Variants in NME7 observed in about 807,000 individuals in gnomAD.
NME7 encodes nucleoside diphosphate kinase 7.
A neutral mutation model predicts 49.1 loss-of-function variants in NME7; 41 were observed. That is an observed-to-expected ratio of 0.83 (90% confidence interval 0.65 to 1.08). The LOEUF (loss-of-function observed/expected upper bound fraction) is 1.08, where lower values mean the gene tolerates loss of function less well. NME7 is among the 50% of genes least tolerant of loss of function. The pLI is 0.00. For synonymous variants in NME7, 139 were observed against 150.6 expected (o/e 0.92, Z 0.56); for missense variants, 423 against 463.4 (o/e 0.91, Z 0.80).
chr1:169,319,916 A>G (rs962913780), intron 3 of NME7, among the ~76,000 whole-genome samples: 4 of 152,170 alleles, frequency 2.6e-5, no homozygotes, highest in African/African-American at 9.7e-5. Context: ...TGGATTTTTA[A>G]ATAGGATACT....
chr1:169,308,187 A>G (rs1651252257), intron 4 of NME7, among the ~76,000 whole-genome samples: 1 of 152,166 alleles, frequency 6.6e-6, no homozygotes, highest in South Asian at 2.1e-4. Flanking sequence ...CTAGGAGATC[A>G]TACATAAGGG....
At chr1:169,292,541 G>A (rs1029993047) in intron 6 of NME7, among the ~76,000 whole-genome samples, 3 of 152,146 alleles carry the variant, frequency 2.0e-5, no homozygotes, top group Admixed American at 6.6e-5. Flanking sequence ...GGGGTAGAAT[G>A]AGTAAAAGCA....
chr1:169,262,978 T>A (rs944707430), intron 7 of NME7, among the ~76,000 whole-genome samples: 1 of 132,772 alleles, frequency 7.5e-6, no homozygotes, highest in African/African-American at 2.6e-5. Flanking sequence ...ACAAAGGCAG[T>A]AATAACTGGG....
chr1:169,158,486 G>C (rs1659148048), intron 11 of NME7, among the ~76,000 whole-genome samples: 1 of 152,054 alleles, frequency 6.6e-6, no homozygotes, highest in African/African-American at 2.4e-5. Context: ...GGTTGACCAT[G>C]GGTAACTGAA....
At chr1:169,366,704 G>C (rs1299428468) in intron 1 of NME7, among the ~76,000 whole-genome samples, 1 of 152,182 alleles carries the variant, frequency 6.6e-6, no homozygotes, top group East Asian at 1.9e-4. Context: ...GGGGCATGAG[G>C]TTGAAGAAAT....
At chr1:169,241,147 C>T (rs1361297808) in intron 7 of NME7, among the ~76,000 whole-genome samples, 1 of 152,070 alleles carries the variant, frequency 6.6e-6, no homozygotes, top group Non-Finnish European at 1.5e-5. Flanking sequence ...CTTCACATTA[C>T]TTCACACAGA....
chr1:169,237,108 G>A (rs1376770994), intron 8 of NME7, among the ~76,000 whole-genome samples: 1 of 152,040 alleles, frequency 6.6e-6, no homozygotes, highest in Non-Finnish European at 1.5e-5. Flanking sequence ...CGTGGGCTCT[G>A]AAGGTGCAGC....
chr1:169,282,235 T>C (rs1156720355), intron 7 of NME7, among the ~76,000 whole-genome samples: 1 of 152,210 alleles, frequency 6.6e-6, no homozygotes, highest in Non-Finnish European at 1.5e-5. Context: ...TTTATTTGCG[T>C]AGAGGTGTTT....
intron 7 of NME7, among the ~76,000 whole-genome samples, chr1:169,244,632 T>C (rs1399356405): frequency 1.0e-5 from 1 of 98,314 alleles, no homozygotes; most frequent in Non-Finnish European, 2.0e-5. Context: ...TGAGACTCCA[T>C]CTCAAAAAAA....
intron 10 of NME7, among the ~76,000 whole-genome samples, chr1:169,179,378 A>G (rs1468180096): frequency 6.6e-6 from 1 of 152,212 alleles, no homozygotes; most frequent in Non-Finnish European, 1.5e-5. Context: ...AATTAGTTCA[A>G]CCATTGTGGA....
rs182819817 is a variant in NME7, at chr1:169,147,116, T to C, written c.1099-14299A>G. Among the ~76,000 whole-genome samples, 112 of 152,310 alleles carry C rather than the reference T, an allele frequency of 7.4e-4. No homozygotes were observed. In the East Asian group the frequency reaches 0.012, roughly 16 times the overall value. On this transcript the variant is annotated intron_variant, in intron 11 of 11. Transcript: ENST00000367811. ...TGCTGCTGACAATACAGCAGCTTGA[T>C]AGTTAAGAATTTTTTAAGGAATAAA...
At chr1:169,194,410 A>G (rs1474880099) in intron 10 of NME7, among the ~76,000 whole-genome samples, 1 of 152,166 alleles carries the variant, frequency 6.6e-6, no homozygotes, top group Non-Finnish European at 1.5e-5. Flanking sequence ...CCAAGCCAAA[A>G]CTCAGTTTAT....
rs548741987 is a variant in NME7 at position 169,275,721 on chromosome 1, T to C, written c.754+11582A>G. Reference sequence around the variant, plus strand: ...GCCCTGGCCAGAACTTCCAACACTATGTTGAATAGGAGTGGTGAGAGAGGG... The same window carrying C: ...GCCCTGGCCAGAACTTCCAACACTACGTTGAATAGGAGTGGTGAGAGAGGG... On this transcript the variant is annotated intron_variant, in intron 7 of 11. Coordinates refer to ENST00000367811, the MANE Select transcript of NME7 (RefSeq NM_013330.5). 2.0e-3 allele frequency among the ~76,000 whole-genome samples: 261 copies of C among 132,162 alleles called. 24 individuals are homozygous for C. The highest frequency in any genetic ancestry group is 6.5e-3 in the African/African-American group (256 of 39,208). The allele number at this position is 132,162 out of a possible 152,430, so 86.7% of individuals were successfully genotyped here.
At chr1:169,208,764 G>T (rs1660741098) in intron 10 of NME7, among the ~76,000 whole-genome samples, 1 of 152,060 alleles carries the variant, frequency 6.6e-6, no homozygotes, top group Non-Finnish European at 1.5e-5. Context: ...TAGTAGGAAG[G>T]CTTAAAGGCC....
At chr1:169,134,189 G>A (rs1658351601) in intron 11 of NME7, among the ~76,000 whole-genome samples, 2 of 152,218 alleles carry the variant, frequency 1.3e-5, no homozygotes, top group Non-Finnish European at 2.9e-5. Context: ...CTAACAGCTA[G>A]TGAGAGATCT....
intron 1 of NME7, among the ~76,000 whole-genome samples, chr1:169,330,942 C>A (rs1348493623): frequency 6.6e-6 from 1 of 152,010 alleles, no homozygotes; most frequent in African/African-American, 2.4e-5. Flanking sequence ...GGACTACTTC[C>A]AAACTCATTC....
In NME7 at chr1:169,309,960, A is replaced by AG; in HGVS notation, c.389+9_389+10insC. 6.8e-7 allele frequency: 1 copy of AG among 1,478,882 alleles called. No homozygotes were observed. Among genetic ancestry groups the AG allele is most frequent in the Non-Finnish European group, 9.3e-7 (1 of 1,073,060 alleles). 91.6% of individuals were successfully genotyped at this position (1,478,882 alleles called of 1,614,324 possible). A position where few individuals can be genotyped will look rare whatever the true frequency, so the allele number is the denominator to read the frequency against. On this transcript the variant is annotated intron_variant, in intron 4 of 11. Transcript: ENST00000367811. ...AGACATTACATAACTGAAAATGATA[A>AG]AAAAATTACCTTGAAAGCATCATCA...
chr1:169,356,768 G>A (rs778440772), intron 1 of NME7, among the ~76,000 whole-genome samples: 32 of 152,200 alleles, frequency 2.1e-4, no homozygotes, highest in African/African-American at 6.3e-4. Context: ...CCACAATGAC[G>A]GAGTTTCCTA....
intron 11 of NME7, among the ~76,000 whole-genome samples, chr1:169,156,377 G>C (rs1043973064): frequency 6.6e-6 from 1 of 152,010 alleles, no homozygotes. Flanking sequence ...CCATTTCCCA[G>C]GGAATAGGTA....
Sources: gnomAD v4.1 joint callset for allele counts (sites outside exome capture counted in the v4.1 genomes callset) on GRCh38, gnomAD v4.1.1 for gene constraint, MANE v1.5 for transcripts, NCBI Gene and HGNC (gene_info 2026-07-23, HGNC 2026-07-21) for gene names.